ZFPM1: variants seen among roughly 807,000 people sequenced by gnomAD.
ZFPM1 encodes the protein zinc finger protein ZFPM1.
A neutral mutation model predicts 46.3 loss-of-function variants in ZFPM1; 28 were observed. The ratio of observed to expected loss-of-function variants is 0.60; its 90% CI spans 0.45 to 0.83. ZFPM1 has a LOEUF of 0.83. Ranked by LOEUF, ZFPM1 falls within the 40% of genes least tolerant of loss-of-function variation. The pLI, the probability that ZFPM1 is intolerant of heterozygous loss-of-function variation, is 0.00. For synonymous variants in ZFPM1, 957 were observed against 675.9 expected, an observed-to-expected ratio of 1.42 and a Z score of -6.45; for missense variants, 1,878 against 1,432.4, an observed-to-expected ratio of 1.31 and a Z score of -5.02.
rs1484898307 is a variant in ZFPM1 at position 88,534,291 on chromosome 16, GC to G, written c.2337del (p.Gly780AlafsTer18). On this transcript the variant is annotated frameshift_variant, in exon 10 of 10. Coordinates refer to ENST00000319555, the MANE Select transcript of ZFPM1 (RefSeq NM_153813.3). LOFTEE classifies it low-confidence loss of function (END_TRUNC). ...SPRPGSGSGS[G>X]PGLAPARSPG... ...CGGCCCGGAAGCGGAAGCGGAAGCG[GC>G]CCCGGCCTCGCCCCTGCGCGCTCGC... The G allele has an allele frequency of 8.2e-7, 1 of 1,213,160 alleles. No individual in the cohort carries two copies. 75.1% of individuals were successfully genotyped at this position (1,213,160 alleles called of 1,614,324 possible).
At chr16:88,479,432 G>A (rs1908827819) in intron 1 of ZFPM1, among the ~76,000 whole-genome samples, 1 of 152,060 alleles carries the variant, frequency 6.6e-6, no homozygotes, top group Non-Finnish European at 1.5e-5. Flanking sequence ...GGGTCAGCCT[G>A]GGGGACCCAG....
chr16:88,475,322 G>A (rs1276913611), intron 1 of ZFPM1, among the ~76,000 whole-genome samples: 1 of 152,234 alleles, frequency 6.6e-6, no homozygotes, highest in Non-Finnish European at 1.5e-5. Context: ...CCATGGTGAG[G>A]GCAGGAGCGC....
intron 3 of ZFPM1, among the ~76,000 whole-genome samples, chr16:88,512,028 G>C (rs552511433): frequency 1.3e-5 from 2 of 152,336 alleles, no homozygotes; most frequent in South Asian, 2.1e-4. Flanking sequence ...TGGGCGAGTG[G>C]AACGGCCACC....
intron 1 of ZFPM1, among the ~76,000 whole-genome samples, chr16:88,468,316 A>G (rs1342535018): frequency 6.6e-6 from 1 of 152,098 alleles, no homozygotes; most frequent in Non-Finnish European, 1.5e-5. Context: ...AGAGCTGAGC[A>G]CTCGGGGTGC....
chr16:88,498,267 A>T (rs1240833540), intron 3 of ZFPM1, among the ~76,000 whole-genome samples: 1 of 152,122 alleles, frequency 6.6e-6, no homozygotes, highest in East Asian at 1.9e-4. Flanking sequence ...CCGAGACAGA[A>T]CCCGAGGAGG....
chr16:88,507,549 G>A (rs1243529442), intron 3 of ZFPM1, among the ~76,000 whole-genome samples: 2 of 152,226 alleles, frequency 1.3e-5, no homozygotes, highest in Non-Finnish European at 2.9e-5. Flanking sequence ...CTGGCAGGTT[G>A]GCTGGACGGG....
chr16:88,479,527 C>A (rs762287220), intron 1 of ZFPM1, among the ~76,000 whole-genome samples: 1 of 152,196 alleles, frequency 6.6e-6, no homozygotes, highest in African/African-American at 2.4e-5. Flanking sequence ...CTCAACAGAG[C>A]GAGCGGGGCC....
chr16:88,457,278 G>C (rs897705258), intron 1 of ZFPM1, among the ~76,000 whole-genome samples: 22 of 152,264 alleles, frequency 1.4e-4, no homozygotes, highest in African/African-American at 4.8e-4. Context: ...AGGCACCCGG[G>C]TGTTGAGGCT....
chr16:88,493,677 T>G lies in ZFPM1; in HGVS notation c.268+4524T>G, dbSNP rs543667080. Among the ~76,000 whole-genome samples, 202 of 139,644 alleles carry G rather than the reference T, an allele frequency of 1.4e-3. 1 individual carries two copies. The highest frequency in any genetic ancestry group is 5.2e-3 in the African/African-American group (189 of 36,670). 91.6% of individuals were successfully genotyped at this position (139,644 alleles called of 152,430 possible). A position where few individuals can be genotyped will look rare whatever the true frequency, so the allele number is the denominator to read the frequency against. ...CCGGGGTGCGGGGAGCTGTCCCGGG[T>G]TGCGGAGAGCTGTCCTGGCATGCAC... On this transcript the variant is annotated intron_variant, in intron 3 of 9. Transcript: ENST00000319555.
In ZFPM1 at chr16:88,488,890, G is replaced by A. The variant is rs568573195; in HGVS notation, c.146-141G>A. The A allele has an allele frequency of 1.0e-5, 13 of 1,299,082 alleles. No homozygotes were observed. In the African/African-American group the frequency reaches 1.0e-4, roughly 10 times the overall value. The allele number at this position is 1,299,082 out of a possible 1,614,324, so 80.5% of individuals were successfully genotyped here. On this transcript the variant is annotated intron_variant, in intron 2 of 9. Transcript: ENST00000319555. The stretch of plus-strand genomic sequence containing the variant: ...GGATGTCTGTCCCACCCCAGTGAGA[G>A]CGCACCAGGAGATGGGGGTGGCTCT...
At chr16:88,483,461 T>C (rs569609032) in intron 1 of ZFPM1, among the ~76,000 whole-genome samples, 75 of 152,264 alleles carry the variant, frequency 4.9e-4, no homozygotes, top group Non-Finnish European at 7.2e-4. Context: ...CCTTTGCACA[T>C]ATGGCCCCCT....
chr16:88,496,999 T>C (rs1249755402), intron 3 of ZFPM1, among the ~76,000 whole-genome samples: 3 of 152,134 alleles, frequency 2.0e-5, no homozygotes, highest in African/African-American at 7.2e-5. Context: ...GGCCTGCCCC[T>C]GCCCAGGAGC....
chr16:88,494,046 G>C (rs561375191), intron 3 of ZFPM1, among the ~76,000 whole-genome samples: 1 of 152,184 alleles, frequency 6.6e-6, no homozygotes, highest in Non-Finnish European at 1.5e-5. Flanking sequence ...AGCCACAGCC[G>C]CAGGAAGCCT....
rs1355285603 is a variant in ZFPM1 at position 88,534,474 on chromosome 16, C to G, written c.2516C>G (p.Ser839Trp). The G allele has an allele frequency of 6.7e-7, 1 of 1,486,010 alleles. No individual in the cohort carries two copies. The highest frequency in any genetic ancestry group is 8.9e-7 in the Non-Finnish European group (1 of 1,124,460). The allele number at this position is 1,486,010 out of a possible 1,614,324, so 92.1% of individuals were successfully genotyped here. A position where few individuals can be genotyped will look rare whatever the true frequency, so the allele number is the denominator to read the frequency against. Residue 839 changes from serine to tryptophan, a missense_variant, in exon 10 of 10, where the codon TCG (serine) becomes TGG (tryptophan). Ser to Trp is a radical substitution (Grantham distance 177). Coordinates refer to ENST00000319555, the MANE Select transcript of ZFPM1 (RefSeq NM_153813.3). ...LEAYLAHKKY[S>W]CPAAPPPGAL... ...GCCTACCTGGCGCACAAGAAGTACTCGTGCCCCGCTGCGCCACCGCCCGGC... is the reference window on the plus strand; with the variant it reads ...GCCTACCTGGCGCACAAGAAGTACTGGTGCCCCGCTGCGCCACCGCCCGGC...
chr16:88,534,802 G>GC lies in ZFPM1; in HGVS notation c.2850dup (p.Ser951LeufsTer126). Reference sequence around the variant, plus strand: ...CCGAGGCCGTGCCGCCCCCGCCGGCGCCCCCCTCCTACTCGGACAAGGGCG... The same window carrying GC: ...CCGAGGCCGTGCCGCCCCCGCCGGCGCCCCCCCTCCTACTCGGACAAGGGCG... On this transcript the variant is annotated frameshift_variant, in exon 10 of 10. Coordinates refer to ENST00000319555, the MANE Select transcript of ZFPM1 (RefSeq NM_153813.3). LOFTEE classifies it low-confidence loss of function (END_TRUNC). 3 of 1,385,866 alleles carry GC rather than the reference G, an allele frequency of 2.2e-6. No homozygotes were observed. The highest frequency in any genetic ancestry group is 1.8e-5 in the South Asian group (1 of 56,958). 85.8% of individuals were successfully genotyped at this position (1,385,866 alleles called of 1,614,324 possible).
In ZFPM1 at chr16:88,532,799, C is replaced by T. The variant is rs1294064488; in HGVS notation, c.1053C>T (p.His351=). 2 of 1,613,308 alleles carry T rather than the reference C, an allele frequency of 1.2e-6. No individual in the cohort carries two copies. Among genetic ancestry groups the T allele is most frequent in the South Asian group, 2.2e-5 (2 of 91,088 alleles). The change falls in exon 9 of 10, where the codon CAC becomes CAT. Residue 351 remains histidine (H), a synonymous_variant. Coordinates refer to ENST00000319555, the MANE Select transcript of ZFPM1 (RefSeq NM_153813.3). The part of the protein sequence containing the change: ...VHTDTLSGVC[H]SCGFISTTRD... ...CGCCATGGCCCACAGGTGTCTGCCACAGCTGTGGCTTCATCTCCACCACAA... is the reference window on the plus strand; with the variant it reads ...CGCCATGGCCCACAGGTGTCTGCCATAGCTGTGGCTTCATCTCCACCACAA...
intron 1 of ZFPM1, among the ~76,000 whole-genome samples, chr16:88,460,655 C>T (rs1203425881): frequency 6.6e-6 from 1 of 152,216 alleles, no homozygotes; most frequent in Non-Finnish European, 1.5e-5. Context: ...CAATGCCCAC[C>T]TTAGAGACTC....
intron 2 of ZFPM1, among the ~76,000 whole-genome samples, chr16:88,487,999 C>A (rs921930795): frequency 6.6e-6 from 1 of 152,264 alleles, no homozygotes; most frequent in Non-Finnish European, 1.5e-5. Context: ...CTCTCCCTGG[C>A]CAGTCCCGGG....
At chr16:88,523,510 C>T (rs865960223) in intron 4 of ZFPM1, among the ~76,000 whole-genome samples, 11 of 152,290 alleles carry the variant, frequency 7.2e-5, no homozygotes, top group South Asian at 2.1e-4. Context: ...CACTTGGCAC[C>T]GGGCAAGACC....
Sources: gnomAD v4.1 joint callset for allele counts (sites outside exome capture counted in the v4.1 genomes callset) on GRCh38, gnomAD v4.1.1 for gene constraint, MANE v1.5 for transcripts, NCBI Gene and HGNC (gene_info 2026-07-23, HGNC 2026-07-21) for gene names.